Variants in CSNK1D observed in about 807,000 individuals in gnomAD.
The protein encoded by CSNK1D is casein kinase I isoform delta.
Under a neutral mutation model 46.6 loss-of-function variants are expected in CSNK1D, and 16 were observed. The ratio of observed to expected loss-of-function variants is 0.34; its 90% CI spans 0.23 to 0.52. The LOEUF is 0.52. CSNK1D is among the 20% of genes least tolerant of loss of function. The pLI, the probability that CSNK1D is intolerant of heterozygous loss-of-function variation, is 0.95. For synonymous variants in CSNK1D, 276 were observed against 228.2 expected, an observed-to-expected ratio of 1.21 and a Z score of -1.89; for missense variants, 398 against 578.4, an observed-to-expected ratio of 0.69 and a Z score of 3.20.
chr17:82,264,644 T>C (rs1487626414), intron 2 of CSNK1D, among the ~76,000 whole-genome samples: 2 of 151,854 alleles, frequency 1.3e-5, no homozygotes, highest in Non-Finnish European at 1.5e-5. Flanking sequence ...CCCCAAGCTA[T>C]AAGCAAAGCA....
Position 82,250,157 on chromosome 17 carries a change from A to C in CSNK1D, c.886-555T>G. 1 of 1,290,174 alleles carries C rather than the reference A, an allele frequency of 7.8e-7. No individual in the cohort carries two copies. The highest frequency in any genetic ancestry group is 1.0e-6 in the Non-Finnish European group (1 of 989,112). The allele number at this position is 1,290,174 out of a possible 1,614,324, so 79.9% of individuals were successfully genotyped here. ...CCAGATGCACGGGGGTGGGGAGGTC[A>C]GATTTTAAGCCGAGACAGCAACCTA... On this transcript the variant is annotated intron_variant, in intron 6 of 8. Transcript: ENST00000314028. The surrounding 1 kb of genome is among the most constrained non-coding windows in gnomAD (Gnocchi z 4.6).
chr17:82,261,278 G>A (rs1026606744), intron 2 of CSNK1D: 1 of 152,812 alleles, frequency 6.5e-6, no homozygotes, highest in Admixed American at 6.5e-5. Context: ...GCGCCCAAGT[G>A]TGCTAGTCAT....
intron 1 of CSNK1D, among the ~76,000 whole-genome samples, chr17:82,267,675 A>G (rs192646190): frequency 2.6e-5 from 4 of 152,346 alleles, no homozygotes; most frequent in African/African-American, 9.6e-5. Context: ...TGTGTAAATG[A>G]AAAACCACTC....
At chr17:82,260,312 GTGT>G in intron 2 of CSNK1D, among the ~76,000 whole-genome samples, 1 of 138,030 alleles carries the variant, frequency 7.2e-6, no homozygotes, top group African/African-American at 2.5e-5. Flanking sequence ...TTGACTGATG[GTGT>G]ACTGAGTGAT....
chr17:82,267,032 C>G (rs1043822762), intron 1 of CSNK1D: 2 of 147,442 alleles, frequency 1.4e-5, no homozygotes, highest in African/African-American at 5.1e-5. Flanking sequence ...TGCACTCCAG[C>G]CTGGGTGACA....
At chr17:82,256,984 C>T (rs900165634) in intron 2 of CSNK1D, among the ~76,000 whole-genome samples, 9 of 152,084 alleles carry the variant, frequency 5.9e-5, no homozygotes, top group Non-Finnish European at 8.8e-5. Context: ...TGTTTTGAGA[C>T]GAGGTCTCGC....
At position 82,255,283 on chromosome 17, in the gene CSNK1D, A is replaced by G. The variant is rs1288890046; in HGVS notation, c.336+146T>C. On this transcript the variant is annotated intron_variant, in intron 3 of 8. Transcript: ENST00000314028. This position sits in a 1 kb window ranked among gnomAD's most constrained non-coding sequence, Gnocchi z 5.9. ...GGAGCCTCGAGAAGCCAGTGAGCTGAGCCACTGCAGCCTCAAGGCTGAGGC... is the reference window on the plus strand; with the variant it reads ...GGAGCCTCGAGAAGCCAGTGAGCTGGGCCACTGCAGCCTCAAGGCTGAGGC... 1.0e-6 allele frequency: 1 copy of G among 953,962 alleles called. No homozygotes were observed. Among genetic ancestry groups the G allele is most frequent in the Non-Finnish European group, 1.7e-6 (1 of 603,824 alleles). The allele number at this position is 953,962 out of a possible 1,614,324, so 59.1% of individuals were successfully genotyped here.
In CSNK1D at chr17:82,250,374, G is replaced by A. The variant is rs73366234; in HGVS notation, c.886-772C>T. On this transcript the variant is annotated intron_variant, in intron 6 of 8. Transcript: ENST00000314028. The surrounding 1 kb of genome is among the most constrained non-coding windows in gnomAD (Gnocchi z 4.6). ...GGCCAGCACCGCCCAGACTCCTCAT[G>A]CTGCCATTTACGGAAAACGCTGGCC... 5.7e-3 allele frequency: 2,333 copies of A among 410,158 alleles called. 50 individuals carry two copies. The highest frequency in any genetic ancestry group is 0.041 in the African/African-American group (1,981 of 48,084). The allele number at this position is 410,158 out of a possible 1,614,324, so 25.4% of individuals were successfully genotyped here.
chr17:82,270,968 G>T (rs995353492), intron 1 of CSNK1D, among the ~76,000 whole-genome samples: 3 of 152,202 alleles, frequency 2.0e-5, no homozygotes, highest in Non-Finnish European at 4.4e-5. Context: ...TCCACCTCTG[G>T]AATTACTTGG....
chr17:82,261,683 C>T (rs781641076), intron 2 of CSNK1D, among the ~76,000 whole-genome samples: 2 of 152,118 alleles, frequency 1.3e-5, no homozygotes, highest in African/African-American at 2.4e-5. Context: ...TGGGGCTGGG[C>T]GGGCGAATGG....
chr17:82,255,267 A>T lies in CSNK1D; in HGVS notation c.336+162T>A. ...AGTGAGCGGAGCCACCGGAGCCTCG[A>T]GAAGCCAGTGAGCTGAGCCACTGCA... On this transcript the variant is annotated intron_variant, in intron 3 of 8. Coordinates refer to ENST00000314028, the MANE Select transcript of CSNK1D (RefSeq NM_001893.6). The surrounding 1 kb of genome is among the most constrained non-coding windows in gnomAD (Gnocchi z 5.9). 1 of 858,214 alleles carries T rather than the reference A, an allele frequency of 1.2e-6. No homozygotes were observed. Among genetic ancestry groups the T allele is most frequent in the Non-Finnish European group, 1.9e-6 (1 of 523,998 alleles). 53.2% of individuals were successfully genotyped at this position (858,214 alleles called of 1,614,324 possible).
chr17:82,248,525 C>T lies in CSNK1D; in HGVS notation c.1197+350G>A. On this transcript the variant is annotated intron_variant, in intron 8 of 8. Transcript: ENST00000314028. The surrounding 1 kb of genome is among the most constrained non-coding windows in gnomAD (Gnocchi z 4.1). The stretch of plus-strand genomic sequence containing the variant: ...GAAGGCTCCCTCGGGCTGGGGGCAC[C>T]CACAATGGGGCGCAAGCAGGCGAGC... 1 of 1,130,660 alleles carries T rather than the reference C, an allele frequency of 8.8e-7. No homozygotes were observed. The highest frequency in any genetic ancestry group is 1.1e-6 in the Non-Finnish European group (1 of 916,406). 70.0% of individuals were successfully genotyped at this position (1,130,660 alleles called of 1,614,324 possible).
At position 82,273,273 on chromosome 17, in the gene CSNK1D, TTCGGGCGGCGGGC is replaced by T; in HGVS notation, c.76+20_76+32del. The T allele has an allele frequency of 6.4e-7, 1 of 1,571,362 alleles. No individual in the cohort carries two copies. The highest frequency in any genetic ancestry group is 2.3e-5 in the East Asian group (1 of 44,332). ...TCTTGGCAGCCGCAGGGCCCGGGTC[TTCGGGCGGCGGGC>T]GGGGGCGGCGGGGCCTCACCGAGAT... On this transcript the variant is annotated intron_variant, in intron 1 of 8. Transcript: ENST00000314028. This position sits in a 1 kb window ranked among gnomAD's most constrained non-coding sequence, Gnocchi z 5.1.
At chr17:82,247,657 C>T (rs1262955592) in intron 8 of CSNK1D, 4 of 985,324 alleles carry the variant, frequency 4.1e-6, no homozygotes, top group Non-Finnish European at 4.8e-6. Context: ...AAGTGCCAGG[C>T]TCGTGGAAAG....
downstream of CSNK1D, chr17:82,239,891 T>C: frequency 1.2e-6 from 1 of 810,020 alleles, no homozygotes; most frequent in Non-Finnish European, 1.7e-6. Flanking sequence ...CGCTTGGGCT[T>C]GTCCTGGACA....
chr17:82,250,434 G>A lies in CSNK1D; in HGVS notation c.886-832C>T, dbSNP rs111421244. Reference sequence around the variant, plus strand: ...CTGAGGGCCGGGTGACTCTAATGCCGCAGGAGGGTCGCTCTGATTCCTCCC... The same window carrying A: ...CTGAGGGCCGGGTGACTCTAATGCCACAGGAGGGTCGCTCTGATTCCTCCC... On this transcript the variant is annotated intron_variant, in intron 6 of 8. Coordinates refer to ENST00000314028, the MANE Select transcript of CSNK1D (RefSeq NM_001893.6). This position sits in a 1 kb window ranked among gnomAD's most constrained non-coding sequence, Gnocchi z 4.6. 8 of 344,080 alleles carry A rather than the reference G, an allele frequency of 2.3e-5. No homozygotes were observed. Among genetic ancestry groups the A allele is most frequent in the Admixed American group, 1.2e-4 (3 of 26,080 alleles). 21.3% of individuals were successfully genotyped at this position (344,080 alleles called of 1,614,324 possible). A position where few individuals can be genotyped will look rare whatever the true frequency, so the allele number is the denominator to read the frequency against.
downstream of CSNK1D, among the ~76,000 whole-genome samples, chr17:82,241,247 TGTGCCGGGGGAG>T (rs2050738355): frequency 6.6e-6 from 1 of 152,066 alleles, no homozygotes; most frequent in Non-Finnish European, 1.5e-5. Flanking sequence ...GTGCAAGGCC[TGTGCCGGGGGAG>T]GTGGCGGGGG....
chr17:82,239,458 G>A (rs1271661797), downstream of CSNK1D: 1 of 168,392 alleles, frequency 5.9e-6, no homozygotes, highest in Admixed American at 6.4e-5. Flanking sequence ...AAATAAACCT[G>A]CGTGTGGGTG....
downstream of CSNK1D, chr17:82,240,030 G>C (rs565814557): frequency 2.4e-6 from 3 of 1,233,710 alleles, no homozygotes; most frequent in African/African-American, 1.6e-5. Context: ...GGCGGGCCGC[G>C]TGCAGCCGGA....
Sources: allele counts gnomAD v4.1 joint callset (sites outside exome capture counted in the v4.1 genomes callset), GRCh38; gene constraint gnomAD v4.1.1; non-coding constraint Gnocchi (gnomAD v3.1); transcripts MANE v1.5; gene names NCBI Gene and HGNC (gene_info 2026-07-23, HGNC 2026-07-21).